The following SMC1A variants were observed in gnomAD, a reference collection of about 807,000 sequenced individuals.
SMC1A encodes structural maintenance of chromosomes protein 1A.
In SMC1A, 4 loss-of-function variants were observed where a neutral mutation model predicts 94.5. The observed-to-expected ratio is 0.04, with a 90% confidence interval of 0.02 to 0.10. The LOEUF (loss-of-function observed/expected upper bound fraction) is 0.10. SMC1A is among the 10% of genes least tolerant of loss of function. SMC1A has a pLI of 1.00. For missense variants in SMC1A, 304 were observed against 989.0 expected, an observed-to-expected ratio of 0.31 and a Z score of 9.29; for synonymous variants, 345 against 347.7, an observed-to-expected ratio of 0.99 and a Z score of 0.09.
At chrX:53,419,178 C>G (rs2075744417) in intron 1 of SMC1A, among the ~76,000 whole-genome samples, 1 of 109,782 alleles carries the variant, frequency 9.1e-6, no homozygotes, top group South Asian at 3.8e-4. Context: ...ATTTCCAACA[C>G]CTTTCTACTC....
At chrX:53,410,469 T>C (rs1254264761) in intron 7 of SMC1A, among the ~76,000 whole-genome samples, 1 of 110,054 alleles carries the variant, frequency 9.1e-6, no homozygotes, top group Non-Finnish European at 1.9e-5. Flanking sequence ...GGCACCCACC[T>C]GTCATCCCAC....
rs10543081 is a variant in SMC1A at position 53,398,183 on chromosome X, C to CA, written c.2562+1405dup. Among the ~76,000 whole-genome samples the CA allele has an allele frequency of 4.4e-3, 254 of 58,359 alleles. 6 individuals carry two copies. Among genetic ancestry groups the CA allele is most frequent in the East Asian group, 0.042 (81 of 1,906 alleles). The allele number at this position is 58,359 out of a possible 115,157, so 50.7% of individuals were successfully genotyped here. A position where few individuals can be genotyped will look rare whatever the true frequency, so the allele number is the denominator to read the frequency against. ...AGGAAACAAGATCAAAACTGAGTCT[C>CA]AAAAAAAAAAAAAAAAAAGATTTCA... On this transcript the variant is annotated intron_variant, in intron 16 of 24. Transcript: ENST00000322213.
chrX:53,401,549 C>T (rs1158628945), intron 15 of SMC1A, among the ~76,000 whole-genome samples: 1 of 111,328 alleles, frequency 9.0e-6, no homozygotes, highest in Non-Finnish European at 1.9e-5. Context: ...CACAGTATTC[C>T]AGTCTATATA....
intron 19 of SMC1A, among the ~76,000 whole-genome samples, chrX:53,384,969 A>T (rs2075598850): frequency 9.1e-6 from 1 of 109,878 alleles, no homozygotes; most frequent in African/African-American, 3.3e-5. Context: ...AATCAACTTC[A>T]ATAAACTTCG....
chrX:53,419,167 G>A (rs1229847784), intron 1 of SMC1A, among the ~76,000 whole-genome samples: 1 of 108,883 alleles, frequency 9.2e-6, no homozygotes, highest in Admixed American at 1.0e-4. Flanking sequence ...CTGAAGATCT[G>A]ATTTCCAACA....
intron 18 of SMC1A, among the ~76,000 whole-genome samples, chrX:53,395,857 G>A (rs1248452033): frequency 9.0e-6 from 1 of 110,733 alleles, no homozygotes; most frequent in East Asian, 2.8e-4. Context: ...GTCTTCCTTT[G>A]CTCTTGGCTA....
At chrX:53,392,128 C>T (rs782340339) in intron 19 of SMC1A, among the ~76,000 whole-genome samples, 8 of 111,400 alleles carry the variant, frequency 7.2e-5, no homozygotes, top group Admixed American at 1.9e-4. Flanking sequence ...CAGTGGCTCA[C>T]GCCTGTAATC....
chrX:53,398,394 T>C (rs1431337100), intron 16 of SMC1A, among the ~76,000 whole-genome samples: 1 of 110,202 alleles, frequency 9.1e-6, no homozygotes, highest in African/African-American at 3.3e-5. Context: ...TGTGAGAAAA[T>C]TGAGTCATCA....
chrX:53,414,614 C>G (rs782586511), intron 3 of SMC1A, 144 bp downstream of exon 3: 16 of 510,815 alleles, frequency 3.1e-5, no homozygotes, highest in Non-Finnish European at 5.7e-5. Flanking sequence ...GCTCAGGGGC[C>G]AGACTGAAGT....
At chrX:53,404,870 G>T in intron 13 of SMC1A, 142 bp downstream of exon 13, 1 of 670,101 alleles carries the variant, frequency 1.5e-6, no homozygotes, top group Non-Finnish European at 2.3e-6. Flanking sequence ...ACCCCTGGCT[G>T]TCTGACTCTA....
At position 53,377,438 on chromosome X, in the gene SMC1A, G is replaced by C. The variant is rs2075563881; in HGVS notation, c.*2665C>G. ...AAAGAGCTCCACATCCTTTGGATGTGGGGGTGCAAGCAGGGAACTGCTGCT... is the reference window on the plus strand; with the variant it reads ...AAAGAGCTCCACATCCTTTGGATGTCGGGGTGCAAGCAGGGAACTGCTGCT... On this transcript the variant is annotated 3_prime_UTR_variant, in exon 25 of 25. Coordinates refer to ENST00000322213, the MANE Select transcript of SMC1A (RefSeq NM_006306.4). 1 of 112,359 alleles carries C rather than the reference G, an allele frequency of 8.9e-6. No individual in the cohort carries two copies. Among genetic ancestry groups the C allele is most frequent in the Non-Finnish European group, 1.9e-5 (1 of 53,198 alleles). The allele number at this position is 112,359 out of a possible 1,213,427, so 9.3% of individuals were successfully genotyped here.
intron 7 of SMC1A, among the ~76,000 whole-genome samples, chrX:53,409,794 G>C (rs925362220): frequency 8.9e-6 from 1 of 111,834 alleles, no homozygotes; most frequent in Non-Finnish European, 1.9e-5. Flanking sequence ...AGCTTCACAG[G>C]CCTTTCTGTA....
chrX:53,403,147 C>T (rs1385612958), intron 15 of SMC1A, among the ~76,000 whole-genome samples: 1 of 77,052 alleles, frequency 1.3e-5, no homozygotes, highest in Non-Finnish European at 2.3e-5. Context: ...ACTCCAGTCT[C>T]GGAAACAGAG....
At chrX:53,382,442 G>A (rs1411567885) in intron 21 of SMC1A, 59 bp from the exon 22 acceptor site, 9 of 1,194,633 alleles carry the variant, frequency 7.5e-6, no homozygotes, top group Non-Finnish European at 1.0e-5. Context: ...ATAGGGACAG[G>A]AAGCCTAGAG....
chrX:53,411,923 A>T, intron 6 of SMC1A, 22 bp from the exon 7 acceptor site: 2 of 1,211,595 alleles, frequency 1.7e-6, no homozygotes, highest in Non-Finnish European at 2.2e-6. Flanking sequence ...ACAGGGAAGG[A>T]GAACAGGGAT....
intron 3 of SMC1A, among the ~76,000 whole-genome samples, chrX:53,414,554 A>G (rs2075725076): frequency 8.9e-6 from 1 of 111,907 alleles, no homozygotes; most frequent in Non-Finnish European, 1.9e-5. Flanking sequence ...GTTTTAAGGA[A>G]AAAAGGGAGG....
intron 24 of SMC1A, 67 bp from the exon 25 acceptor site, chrX:53,380,253 CA>C (rs1174487045): frequency 2.4e-6 from 2 of 824,036 alleles, no homozygotes; most frequent in Non-Finnish European, 1.8e-6. Context: ...TCTAGTGCCC[CA>C]GGACCAGGGG....
intron 1 of SMC1A, among the ~76,000 whole-genome samples, chrX:53,417,628 C>T (rs1238198511): frequency 6.5e-5 from 7 of 108,177 alleles, no homozygotes; most frequent in Non-Finnish European, 1.3e-4. Context: ...AAACAGTGCA[C>T]AAACTTTGAC....
chrX:53,380,710 C>T lies in SMC1A; in HGVS notation c.3528G>A (p.Glu1176=). The stretch of plus-strand genomic sequence containing the variant: ...TGGCCTGGAAGTTGCAAGTCGACTG[C>T]TCCTTGATGTAATTTGCCACCTGTG... ...NIGKVANYIK[E]QSTCNFQAIV... is the part of the protein sequence containing the mutation. Residue 1176 remains glutamate (E), a synonymous_variant, in exon 24 of 25, where the codon GAG becomes GAA. Transcript: ENST00000322213. 8.3e-7 allele frequency: 1 copy of T among 1,208,525 alleles called. No individual in the cohort carries two copies. Among genetic ancestry groups the T allele is most frequent in the African/African-American group, 1.7e-5 (1 of 57,852 alleles).
Sources: allele counts gnomAD v4.1 joint callset (sites outside exome capture counted in the v4.1 genomes callset), GRCh38; gene constraint gnomAD v4.1.1; transcripts MANE v1.5; gene names NCBI Gene and HGNC (gene_info 2026-07-23, HGNC 2026-07-21).